Variants in TRIQK observed in about 807,000 individuals in gnomAD.
TRIQK encodes triple QxxK/R motif containing, also known as triple QxxK/R motif-containing protein.
Under a neutral mutation model 10.8 loss-of-function variants are expected in TRIQK, and 10 were observed. That is an observed-to-expected ratio of 0.92 (90% CI 0.57 to 1.57). The LOEUF is 1.57. Among genes scored for constraint, TRIQK ranks in the 40% most tolerant of loss-of-function variants. The probability of loss-of-function intolerance (pLI) is 0.00; values close to 1 mark genes in which losing one functional copy is unlikely to be tolerated. For missense variants in TRIQK, 107 were observed against 97.7 expected, an observed-to-expected ratio of 1.09 and a Z score of -0.40; for synonymous variants, 33 against 33.7, an observed-to-expected ratio of 0.98 and a Z score of 0.07.
At chr8:92,949,362 A>G (rs1380428185) in intron 2 of TRIQK, among the ~76,000 whole-genome samples, 2 of 152,172 alleles carry the variant, frequency 1.3e-5, no homozygotes, top group Non-Finnish European at 2.9e-5. Flanking sequence ...GTACAGTAAG[A>G]ATACCTATCT....
intron 1 of TRIQK, among the ~76,000 whole-genome samples, chr8:92,996,643 A>G (rs576650806): frequency 1.6e-4 from 25 of 152,122 alleles, no homozygotes; most frequent in Non-Finnish European, 3.5e-4. Context: ...TTATCTATTA[A>G]TATTGAATGG....
At chr8:93,003,982 T>A (rs181688365) in intron 1 of TRIQK, among the ~76,000 whole-genome samples, 1 of 152,320 alleles carries the variant, frequency 6.6e-6, no homozygotes, top group Non-Finnish European at 1.5e-5. Flanking sequence ...CCACAGCTAC[T>A]TTCACAGGCT....
intron 3 of TRIQK, among the ~76,000 whole-genome samples, chr8:92,898,340 C>T (rs562781622): frequency 1.3e-4 from 20 of 152,124 alleles, no homozygotes; most frequent in South Asian, 4.2e-4. Context: ...TAACGTTTTC[C>T]GTAACTACTG....
intron 1 of TRIQK, among the ~76,000 whole-genome samples, chr8:93,006,578 G>A (rs1813274751): frequency 6.6e-6 from 1 of 152,106 alleles, no homozygotes; most frequent in Non-Finnish European, 1.5e-5. Context: ...CATCATCACT[G>A]AGGCTACCTG....
intron 1 of TRIQK, among the ~76,000 whole-genome samples, chr8:92,991,163 G>A (rs1014308894): frequency 2.0e-5 from 3 of 152,246 alleles, no homozygotes; most frequent in Non-Finnish European, 2.9e-5. Flanking sequence ...GGAGCCCACC[G>A]CAGCTCCACA....
chr8:92,892,766 C>A (rs1473681850), intron 3 of TRIQK, among the ~76,000 whole-genome samples: 2 of 151,840 alleles, frequency 1.3e-5, no homozygotes, highest in African/African-American at 4.8e-5. Context: ...CACAAAATTT[C>A]CTTTGTGTAT....
intron 2 of TRIQK, among the ~76,000 whole-genome samples, chr8:92,944,107 T>A (rs1324058336): frequency 6.6e-6 from 1 of 152,044 alleles, no homozygotes; most frequent in African/African-American, 2.4e-5. Flanking sequence ...AACAGTTATA[T>A]TAAAATATCA....
Position 92,951,252 on chromosome 8 carries a change from A to G in TRIQK, c.-22+3154T>C, listed in dbSNP as rs145979690. On this transcript the variant is annotated intron_variant, in intron 2 of 4. Coordinates refer to ENST00000521988, the MANE Select transcript of TRIQK (RefSeq NM_001171797.2). ...AAAAAATCTATGATCTAAAAAATCT[A>G]TCATAGGCTTCCAGTTTCCATTTCT... 7.8e-3 allele frequency among the ~76,000 whole-genome samples: 1,192 copies of G among 152,196 alleles called. 50 individuals are homozygous for G. Among genetic ancestry groups the G allele is most frequent in the Admixed American group, 0.071 (1,086 of 15,238 alleles).
At chr8:92,898,691 T>C (rs934987047) in intron 3 of TRIQK, among the ~76,000 whole-genome samples, 2 of 151,826 alleles carry the variant, frequency 1.3e-5, no homozygotes, top group East Asian at 3.9e-4. Flanking sequence ...AACCATAAAA[T>C]AGGATACAAT....
chr8:92,916,878 G>A (rs1405324561), intron 3 of TRIQK, 51 bp downstream of exon 3: 2 of 1,250,858 alleles, frequency 1.6e-6, no homozygotes, highest in African/African-American at 1.6e-5. Flanking sequence ...ATGCATAATT[G>A]TGTTTTTATC....
intron 2 of TRIQK, among the ~76,000 whole-genome samples, chr8:92,938,384 C>G (rs1811101175): frequency 6.6e-6 from 1 of 151,888 alleles, no homozygotes; most frequent in Admixed American, 6.6e-5. Context: ...TTAAATTTGT[C>G]TTTAGTTTAT....
intron 1 of TRIQK, chr8:92,974,149 A>G (rs1195025526): frequency 6.6e-6 from 1 of 152,330 alleles, no homozygotes; most frequent in African/African-American, 2.4e-5. Flanking sequence ...TTGGCCAGGA[A>G]AGCCTGAAAC....
intron 3 of TRIQK, among the ~76,000 whole-genome samples, chr8:92,911,315 C>T (rs1471050703): frequency 6.6e-6 from 1 of 150,964 alleles, no homozygotes; most frequent in East Asian, 1.9e-4. Flanking sequence ...AAGTATATCA[C>T]AACAAAAATT....
chr8:92,904,198 A>T (rs1809119510), intron 3 of TRIQK, among the ~76,000 whole-genome samples: 1 of 152,164 alleles, frequency 6.6e-6, no homozygotes, highest in South Asian at 2.1e-4. Context: ...CCCTATGTTC[A>T]TTTTCCAGTT....
At chr8:92,886,822 T>G (rs748628686) in intron 4 of TRIQK, 87 bp from the exon 5 acceptor site, 4 of 750,668 alleles carry the variant, frequency 5.3e-6, no homozygotes, top group Non-Finnish European at 9.0e-6. Context: ...AACCATATTG[T>G]TCCACAGTCT....
chr8:92,928,965 G>C (rs1385508079), intron 2 of TRIQK, among the ~76,000 whole-genome samples: 1 of 152,210 alleles, frequency 6.6e-6, no homozygotes, highest in Admixed American at 6.5e-5. Context: ...AATCTACCAA[G>C]TGATAAATCA....
intron 2 of TRIQK, among the ~76,000 whole-genome samples, chr8:92,932,810 T>C (rs1319836422): frequency 6.6e-6 from 1 of 152,190 alleles, no homozygotes; most frequent in African/African-American, 2.4e-5. Context: ...AGAATTAATG[T>C]ATATCATTTT....
intron 1 of TRIQK, among the ~76,000 whole-genome samples, chr8:92,981,842 T>C (rs1812989807): frequency 6.6e-6 from 1 of 151,882 alleles, no homozygotes; most frequent in Non-Finnish European, 1.5e-5. Flanking sequence ...AAAAGAGATA[T>C]CTTTCTCATT....
chr8:92,981,993 T>C lies in TRIQK; in HGVS notation c.-180-27429A>G, dbSNP rs1402856193. Among the ~76,000 whole-genome samples the C allele has an allele frequency of 2.0e-5, 3 of 151,772 alleles. No homozygotes were observed. The East Asian group carries it at 5.8e-4, about 29-fold the overall frequency. Reference sequence around the variant, plus strand: ...ACAGCTTACTATGACATCTCAAGGGTATTACTTTTTTATATGAAAATAATA... The same window carrying C: ...ACAGCTTACTATGACATCTCAAGGGCATTACTTTTTTATATGAAAATAATA... On this transcript the variant is annotated intron_variant, in intron 1 of 4. Coordinates refer to the TRIQK transcript ENST00000520686.
Sources: gnomAD v4.1 joint callset for allele counts (sites outside exome capture counted in the v4.1 genomes callset) on GRCh38, gnomAD v4.1.1 for gene constraint, MANE v1.5 for transcripts, NCBI Gene and HGNC (gene_info 2026-07-23, HGNC 2026-07-21) for gene names.